The following ODR4 variants were observed in gnomAD, a reference collection of about 807,000 sequenced individuals.
ODR4 encodes protein odr-4 homolog.
A neutral mutation model predicts 60.2 loss-of-function variants in ODR4; 47 were observed. The observed-to-expected ratio is 0.78, with a 90% CI of 0.62 to 1.00. The LOEUF (loss-of-function observed/expected upper bound fraction) is 1.00, where lower values mean the gene tolerates loss of function less well. Ranked by LOEUF, ODR4 falls within the 50% of genes least tolerant of loss-of-function variation. ODR4 has a pLI of 0.00. For synonymous variants in ODR4, 178 were observed against 175.5 expected (o/e 1.01, Z -0.11); for missense variants, 488 against 530.8 (o/e 0.92, Z 0.79).
chr1:186,401,163 A>C (rs755880044), intron 11 of ODR4: 10 of 1,593,206 alleles, frequency 6.3e-6, no homozygotes, highest in African/African-American at 1.3e-5. Context: ...GTATTCTTTC[A>C]TATTGTTAGT....
At chr1:186,423,134 T>C (rs1162387835), downstream of ODR4, among the ~76,000 whole-genome samples, 1 of 152,144 alleles carries the variant, frequency 6.6e-6, no homozygotes, top group East Asian at 1.9e-4. Flanking sequence ...TAAACAATAA[T>C]TAACTTTTTG....
intron 12 of ODR4, among the ~76,000 whole-genome samples, chr1:186,413,607 C>T (rs6678193): frequency 0.14 from 21,336 of 152,028 alleles, 1,599 homozygotes; most frequent in Non-Finnish European, 0.16. Flanking sequence ...TGAAGTCATA[C>T]CTTTAAAATC....
intron 11 of ODR4, among the ~76,000 whole-genome samples, chr1:186,402,238 T>TCTTTC (rs1558085289): frequency 5.5e-5 from 8 of 145,570 alleles, no homozygotes; most frequent in African/African-American, 1.8e-4. Context: ...TTCTTTCCTT[T>TCTTTC]CTTTCTTTCT....
At chr1:186,396,831 A>G (rs1301163718) in intron 9 of ODR4, among the ~76,000 whole-genome samples, 1 of 152,092 alleles carries the variant, frequency 6.6e-6, no homozygotes, top group African/African-American at 2.4e-5. Flanking sequence ...AAAAATATAT[A>G]AATTATATGT....
At chr1:186,386,145 GA>G (rs1660242042) in intron 4 of ODR4, 62 bp downstream of exon 4, 1 of 930,682 alleles carries the variant, frequency 1.1e-6, no homozygotes, top group Non-Finnish European at 1.6e-6. Flanking sequence ...TACTGATTAT[GA>G]GTATGTGTAA....
chr1:186,427,926 C>T, the ODR4 span, among the ~76,000 whole-genome samples: 178 of 152,290 alleles, frequency 1.2e-3, no homozygotes, highest in Middle Eastern at 3.4e-3. Flanking sequence ...CAACAGTGGG[C>T]TTAAAATATT....
intron 12 of ODR4, among the ~76,000 whole-genome samples, chr1:186,410,530 G>A (rs373020559): frequency 5.9e-5 from 9 of 152,190 alleles, no homozygotes; most frequent in South Asian, 4.1e-4. Context: ...AAGATAGAAT[G>A]TATATGCGTG....
At chr1:186,434,775 C>G in the ODR4 span, among the ~76,000 whole-genome samples, 1 of 152,070 alleles carries the variant, frequency 6.6e-6, no homozygotes, top group Admixed American at 6.5e-5. Context: ...ATTCAAGTTA[C>G]CCGGAAAGTT....
the ODR4 span, among the ~76,000 whole-genome samples, chr1:186,431,317 G>A: frequency 6.6e-6 from 1 of 152,094 alleles, no homozygotes; most frequent in Non-Finnish European, 1.5e-5. Context: ...AAAAATCGTG[G>A]AATTGCCAGA....
chr1:186,407,942 T>G (rs980249232), intron 12 of ODR4, among the ~76,000 whole-genome samples: 1 of 152,122 alleles, frequency 6.6e-6, no homozygotes, highest in African/African-American at 2.4e-5. Context: ...GGTCTATCGC[T>G]TTCAAAGAGT....
intron 10 of ODR4, among the ~76,000 whole-genome samples, 178 bp downstream of exon 10, chr1:186,398,619 C>G (rs1449148926): frequency 6.6e-6 from 1 of 152,086 alleles, no homozygotes; most frequent in East Asian, 1.9e-4. Flanking sequence ...TGTAGAGTAT[C>G]TATTTTGTGC....
intron 1 of ODR4, among the ~76,000 whole-genome samples, chr1:186,377,205 A>G (rs1453786671): frequency 6.6e-6 from 1 of 152,222 alleles, no homozygotes; most frequent in African/African-American, 2.4e-5. Flanking sequence ...TGACAAGAAA[A>G]AACATCTTTA....
intron 12 of ODR4, among the ~76,000 whole-genome samples, chr1:186,411,378 A>G (rs571158429): frequency 6.6e-6 from 1 of 152,338 alleles, no homozygotes; most frequent in South Asian, 2.1e-4. Context: ...TCTGTAATAT[A>G]CAGTGTATGA....
chr1:186,377,901 C>T (rs1353076454), intron 1 of ODR4, among the ~76,000 whole-genome samples: 2 of 151,978 alleles, frequency 1.3e-5, no homozygotes, highest in Non-Finnish European at 2.9e-5. Context: ...AAAAATTAGC[C>T]GAGTGTGGTG....
Position 186,401,009 on chromosome 1 carries a change from A to G in ODR4, c.1000+1965A>G, listed in dbSNP as rs186208661. On this transcript the variant is annotated intron_variant, in intron 11 of 13. Transcript: ENST00000287859. ...CTTCAGGTTCTGAGCAACAGTGTATATTATAGCTGCATTGCAGGTTTCAGG... is the reference window on the plus strand; with the variant it reads ...CTTCAGGTTCTGAGCAACAGTGTATGTTATAGCTGCATTGCAGGTTTCAGG... The G allele has an allele frequency of 3.7e-4, 573 of 1,567,860 alleles. 2 individuals are homozygous for G. In the African/African-American group the frequency reaches 6.6e-3, roughly 18 times the overall value.
At chr1:186,433,022 G>T in the ODR4 span, among the ~76,000 whole-genome samples, 1 of 152,038 alleles carries the variant, frequency 6.6e-6, no homozygotes, top group Non-Finnish European at 1.5e-5. Context: ...CTGACCTCAA[G>T]ATCCATCCGC....
chr1:186,422,179 T>C (rs1216407686), downstream of ODR4, among the ~76,000 whole-genome samples: 3 of 152,080 alleles, frequency 2.0e-5, no homozygotes, highest in East Asian at 5.8e-4. Flanking sequence ...AGGTAAATAC[T>C]AAAAACTTGT....
intron 9 of ODR4, among the ~76,000 whole-genome samples, chr1:186,395,772 T>C (rs983632506): frequency 2.0e-5 from 3 of 152,206 alleles, no homozygotes; most frequent in African/African-American, 7.2e-5. Flanking sequence ...ACTCAGATGA[T>C]CATTTCTGAA....
chr1:186,394,629 C>T (rs984412917), intron 9 of ODR4, among the ~76,000 whole-genome samples: 9 of 152,090 alleles, frequency 5.9e-5, no homozygotes, highest in East Asian at 1.9e-4. Flanking sequence ...ATAGCAAACG[C>T]GTGTTTGTAG....
Sources: allele counts gnomAD v4.1 joint callset (sites outside exome capture counted in the v4.1 genomes callset), GRCh38; gene constraint gnomAD v4.1.1; transcripts MANE v1.5; gene names NCBI Gene and HGNC (gene_info 2026-07-23, HGNC 2026-07-21).